The following NAP1L1 variants were observed in gnomAD, a reference collection of about 807,000 sequenced individuals.
NAP1L1 encodes the protein nucleosome assembly protein 1 like 1.
NAP1L1 carries 9 observed loss-of-function variants against 58.9 expected under a neutral mutation model. That is an observed-to-expected ratio of 0.15 (90% CI 0.09 to 0.27). The LOEUF (loss-of-function observed/expected upper bound fraction) is 0.27, where lower values mean the gene tolerates loss of function less well. Among genes scored for constraint, NAP1L1 ranks in the 10% least tolerant of loss-of-function variants. The pLI, the probability that NAP1L1 is intolerant of heterozygous loss-of-function variation, is 1.00. For missense variants in NAP1L1, 302 were observed against 458.8 expected (o/e 0.66, Z 3.12); for synonymous variants, 130 against 138.3 (o/e 0.94, Z 0.42).
intron 1 of NAP1L1, among the ~76,000 whole-genome samples, chr12:76,078,590 T>C (rs929878693): frequency 2.0e-5 from 3 of 152,300 alleles, no homozygotes; most frequent in South Asian, 2.1e-4. Flanking sequence ...GAAAACACAC[T>C]GTCTGCAAGG....
At chr12:76,074,299 A>C in intron 1 of NAP1L1, 60 bp from the exon 2 acceptor site, 3 of 1,489,056 alleles carry the variant, frequency 2.0e-6, no homozygotes, top group Non-Finnish European at 2.7e-6. Flanking sequence ...AAAAAATAAG[A>C]AACCAAAACC....
intron 2 of NAP1L1, among the ~76,000 whole-genome samples, chr12:76,070,763 T>C (rs976915486): frequency 3.9e-5 from 6 of 152,104 alleles, no homozygotes; most frequent in African/African-American, 1.2e-4. Flanking sequence ...AAGTCCCTTA[T>C]ATAAAATGGC....
At position 76,036,889 on chromosome 12, in the gene NAP1L1, A is replaced by G. The variant is rs1349946385; in HGVS notation, c.*11540T>C. 6.7e-6 allele frequency: 1 copy of G among 149,978 alleles called. No individual in the cohort carries two copies. The highest frequency in any genetic ancestry group is 2.5e-5 in the African/African-American group (1 of 40,674). 9.3% of individuals were successfully genotyped at this position (149,978 alleles called of 1,614,324 possible). A position where few individuals can be genotyped will look rare whatever the true frequency, so the allele number is the denominator to read the frequency against. ...GGAGCTCGACACAAGTCTGGCCAAC[A>G]TGGTGAAACCCCGTCTCTACTAAAA... On this transcript the variant is annotated 3_prime_UTR_variant, in exon 15 of 15. Transcript: ENST00000618691.
chr12:76,074,826 A>T (rs1950110121), intron 1 of NAP1L1, among the ~76,000 whole-genome samples: 1 of 152,160 alleles, frequency 6.6e-6, no homozygotes. Context: ...CCCAATCTTA[A>T]TGTTAGGTAA....
intron 2 of NAP1L1, among the ~76,000 whole-genome samples, chr12:76,072,875 A>C (rs1269224542): frequency 6.6e-6 from 1 of 152,236 alleles, no homozygotes; most frequent in East Asian, 1.9e-4. Context: ...GACATGTCTT[A>C]AAATAATTTA....
chr12:76,041,148 C>T lies in NAP1L1; in HGVS notation c.*7281G>A, dbSNP rs1199590041. The T allele has an allele frequency of 6.6e-6, 1 of 152,202 alleles. No homozygotes were observed. The highest frequency in any genetic ancestry group is 6.5e-5 in the Admixed American group (1 of 15,276). 9.4% of individuals were successfully genotyped at this position (152,202 alleles called of 1,614,324 possible). A position where few individuals can be genotyped will look rare whatever the true frequency, so the allele number is the denominator to read the frequency against. On this transcript the variant is annotated 3_prime_UTR_variant, in exon 15 of 15. Transcript: ENST00000618691. ...ACAAAAGACCTTAGAGACTGAACTA[C>T]TGAGAATCAATCATTCGACTTGCTA... is the stretch of plus-strand genomic sequence containing the variant.
At chr12:76,055,723 A>G (rs1380932323) in intron 7 of NAP1L1, among the ~76,000 whole-genome samples, 4 of 152,236 alleles carry the variant, frequency 2.6e-5, no homozygotes, top group African/African-American at 9.6e-5. Context: ...AATTGCAGCT[A>G]TAAGATTAAC....
chr12:76,083,936 C>G (rs1950506460), intron 1 of NAP1L1: 2 of 152,256 alleles, frequency 1.3e-5, no homozygotes, highest in South Asian at 4.1e-4. Flanking sequence ...AGCCCATTAC[C>G]ACGTGTGGAG....
intron 2 of NAP1L1, among the ~76,000 whole-genome samples, chr12:76,069,824 TAAAA>T (rs36109243): frequency 2.1e-5 from 3 of 145,528 alleles, no homozygotes; most frequent in Non-Finnish European, 4.6e-5. Context: ...CATTTCATCT[TAAAA>T]AAAAAAAATC....
chr12:76,081,072 TAA>T (rs1271207037), intron 1 of NAP1L1, among the ~76,000 whole-genome samples: 1 of 54,714 alleles, frequency 1.8e-5, no homozygotes, highest in Non-Finnish European at 3.4e-5. Flanking sequence ...CTGCAAGAAA[TAA>T]ATTCTTTTTT....
Position 76,037,996 on chromosome 12 carries a change from G to A in NAP1L1, c.*10433C>T, listed in dbSNP as rs1477839979. On this transcript the variant is annotated 3_prime_UTR_variant, in exon 15 of 15. Coordinates refer to ENST00000618691, the MANE Select transcript of NAP1L1 (RefSeq NM_004537.7). ...GTATTAACAAGTAACCAGGAAGTCTGATTATTTGTAAACTTGTTATGGTAA... is the reference window on the plus strand; with the variant it reads ...GTATTAACAAGTAACCAGGAAGTCTAATTATTTGTAAACTTGTTATGGTAA... 1 of 152,192 alleles carries A rather than the reference G, an allele frequency of 6.6e-6. No individual in the cohort carries two copies. Among genetic ancestry groups the A allele is most frequent in the East Asian group, 1.9e-4 (1 of 5,200 alleles). 9.4% of individuals were successfully genotyped at this position (152,192 alleles called of 1,614,324 possible). A position where few individuals can be genotyped will look rare whatever the true frequency, so the allele number is the denominator to read the frequency against.
chr12:76,037,859 T>C lies in NAP1L1; in HGVS notation c.*10570A>G, dbSNP rs1871086692. 1 of 152,204 alleles carries C rather than the reference T, an allele frequency of 6.6e-6. No homozygotes were observed. Among genetic ancestry groups the C allele is most frequent in the African/African-American group, 2.4e-5 (1 of 41,446 alleles). 9.4% of individuals were successfully genotyped at this position (152,204 alleles called of 1,614,324 possible). A position where few individuals can be genotyped will look rare whatever the true frequency, so the allele number is the denominator to read the frequency against. On this transcript the variant is annotated 3_prime_UTR_variant, in exon 15 of 15. Transcript: ENST00000618691. ...GATCCTGGATGAGTGTTTTCGCCAT[T>C]GTACCTAACGGAGAGCTGATTGACA...
intron 1 of NAP1L1, among the ~76,000 whole-genome samples, chr12:76,078,579 T>C (rs190092629): frequency 1.3e-5 from 2 of 152,314 alleles, no homozygotes; most frequent in Admixed American, 6.5e-5. Flanking sequence ...GATCTAAGTT[T>C]GAAAACACAC....
intron 3 of NAP1L1, 94 bp downstream of exon 3, chr12:76,068,815 G>A: frequency 1.2e-6 from 1 of 810,534 alleles, no homozygotes; most frequent in Non-Finnish European, 2.1e-6. Flanking sequence ...GGGACAATGA[G>A]CAAGGGTCCA....
At position 76,043,871 on chromosome 12, in the gene NAP1L1, A is replaced by T. The variant is rs932707780; in HGVS notation, c.*4558T>A. Reference sequence around the variant, plus strand: ...TACCAGAGCCGCAATTGCCTAATACATTATGAATGATAAAATTATGAATAA... The same window carrying T: ...TACCAGAGCCGCAATTGCCTAATACTTTATGAATGATAAAATTATGAATAA... On this transcript the variant is annotated 3_prime_UTR_variant, in exon 15 of 15. Coordinates refer to ENST00000618691, the MANE Select transcript of NAP1L1 (RefSeq NM_004537.7). 6.6e-6 allele frequency: 1 copy of T among 152,344 alleles called. No homozygotes were observed. Among genetic ancestry groups the T allele is most frequent in the African/African-American group, 2.4e-5 (1 of 41,582 alleles). 9.4% of individuals were successfully genotyped at this position (152,344 alleles called of 1,614,324 possible).
intron 1 of NAP1L1, among the ~76,000 whole-genome samples, chr12:76,075,824 C>A (rs1207995035): frequency 6.6e-6 from 1 of 152,088 alleles, no homozygotes; most frequent in Non-Finnish European, 1.5e-5. Flanking sequence ...GTTCCCGTAT[C>A]TTTTCTGGAG....
At chr12:76,064,120 G>A (rs1229724097) in intron 4 of NAP1L1, among the ~76,000 whole-genome samples, 2 of 152,050 alleles carry the variant, frequency 1.3e-5, no homozygotes, top group East Asian at 3.9e-4. Flanking sequence ...ACTCCAGAGT[G>A]GATCACAGAG....
chr12:76,066,746 T>C (rs1263515726), intron 4 of NAP1L1, among the ~76,000 whole-genome samples: 1 of 152,102 alleles, frequency 6.6e-6, no homozygotes, highest in Non-Finnish European at 1.5e-5. Flanking sequence ...GTTTAATACT[T>C]AAAGGCTTCC....
intron 2 of NAP1L1, among the ~76,000 whole-genome samples, chr12:76,071,688 GGA>G (rs1949959443): frequency 6.6e-6 from 1 of 152,110 alleles, no homozygotes; most frequent in Non-Finnish European, 1.5e-5. Flanking sequence ...GGGTGGGACA[GGA>G]GAGAAGGTCG....
Sources: allele counts gnomAD v4.1 joint callset (sites outside exome capture counted in the v4.1 genomes callset), GRCh38; gene constraint gnomAD v4.1.1; transcripts MANE v1.5; gene names NCBI Gene and HGNC (gene_info 2026-07-23, HGNC 2026-07-21).